The following PVT1 variants were observed in gnomAD, a reference collection of about 807,000 sequenced individuals.
PVT1 encodes Pvt1 oncogene.
intron 4 of PVT1, among the ~76,000 whole-genome samples, chr8:128,041,550 AATGT>A (rs56176357): frequency 0.6 from 86,480 of 144,186 alleles, 25,660 homozygotes; most frequent in East Asian, 0.8. Flanking sequence ...GTGCTTGGTG[AATGT>A]ATGTGTGTAT....
At chr8:128,006,833 G>A (rs7014473) in intron 4 of PVT1, among the ~76,000 whole-genome samples, 98,348 of 152,044 alleles carry the variant, frequency 0.65, 32,200 homozygotes, top group African/African-American at 0.73. Flanking sequence ...ATTTTACATT[G>A]GGATGCCCTT....
At chr8:127,877,060 T>A (rs73357010) in intron 2 of PVT1, among the ~76,000 whole-genome samples, 1,734 of 152,202 alleles carry the variant, frequency 0.011, 38 homozygotes, top group African/African-American at 0.039. Flanking sequence ...TATGGAGCTG[T>A]GGGATGTGGG....
intron 3 of PVT1, among the ~76,000 whole-genome samples, chr8:127,903,087 C>T (rs1382162260): frequency 6.6e-6 from 1 of 152,166 alleles, no homozygotes; most frequent in Non-Finnish European, 1.5e-5. Context: ...TACACAGGCC[C>T]ACCAACATCT....
At chr8:127,876,028 A>AC (rs779276752) in intron 2 of PVT1, among the ~76,000 whole-genome samples, 3 of 151,508 alleles carry the variant, frequency 2.0e-5, no homozygotes, top group African/African-American at 2.4e-5. Flanking sequence ...GGCACCCTCC[A>AC]CCCCCCCTCA....
chr8:128,009,447 A>C (rs2130032896), intron 4 of PVT1: 1 of 152,376 alleles, frequency 6.6e-6, no homozygotes, highest in South Asian at 2.1e-4. Context: ...GTTAAATTGC[A>C]CCCAAAGGGG....
At chr8:128,042,796 C>G (rs56040136) in intron 4 of PVT1, among the ~76,000 whole-genome samples, 1 of 143,106 alleles carries the variant, frequency 7.0e-6, no homozygotes, top group African/African-American at 2.7e-5. Flanking sequence ...AGAGATCTTG[C>G]TCTGTCACCC....
intron 2 of PVT1, among the ~76,000 whole-genome samples, chr8:127,844,044 G>A (rs1399874676): frequency 1.3e-5 from 2 of 151,370 alleles, no homozygotes; most frequent in African/African-American, 2.4e-5. Context: ...GTGCAGTGGC[G>A]CAATCTCGGC....
chr8:127,829,229 A>G (rs1025256258), intron 2 of PVT1, among the ~76,000 whole-genome samples: 5 of 152,186 alleles, frequency 3.3e-5, no homozygotes, highest in African/African-American at 1.2e-4. Flanking sequence ...GTGAGCCAAG[A>G]TCACGCCATT....
chr8:127,879,715 C>G (rs114548098), intron 2 of PVT1, among the ~76,000 whole-genome samples: 1,536 of 152,298 alleles, frequency 0.01, 30 homozygotes, highest in African/African-American at 0.035. Context: ...TTGGAGATTA[C>G]AGGAACACAA....
intron 3 of PVT1, among the ~76,000 whole-genome samples, chr8:127,959,594 A>G (rs1816614412): frequency 6.6e-6 from 1 of 151,368 alleles, no homozygotes; most frequent in Admixed American, 6.6e-5. Context: ...AGGAAAAAAA[A>G]AAAAAAAAAA....
chr8:128,024,370 G>C (rs1234031454), intron 4 of PVT1, among the ~76,000 whole-genome samples: 3 of 152,106 alleles, frequency 2.0e-5, no homozygotes, highest in African/African-American at 7.2e-5. Context: ...CAGCATTTCG[G>C]GGAGCAATTT....
intron 2 of PVT1, among the ~76,000 whole-genome samples, chr8:127,860,961 C>T (rs983270109): frequency 1.3e-5 from 2 of 152,040 alleles, no homozygotes; most frequent in East Asian, 1.9e-4. Context: ...ATGGTAGAGG[C>T]GTGAACTTGG....
intron 2 of PVT1, chr8:127,803,273 C>A (rs1454009370): frequency 6.6e-6 from 1 of 151,886 alleles, no homozygotes; most frequent in African/African-American, 2.4e-5. Flanking sequence ...GGACTACAGG[C>A]ACCCGCCCAC....
intron 4 of PVT1, among the ~76,000 whole-genome samples, chr8:127,991,474 G>A (rs1349546006): frequency 6.6e-6 from 1 of 152,110 alleles, no homozygotes; most frequent in East Asian, 1.9e-4. Flanking sequence ...GGCAGGCTTA[G>A]GGAGCAGGAG....
At chr8:128,041,685 TTG>T (rs551409810) in intron 4 of PVT1, among the ~76,000 whole-genome samples, 1 of 151,382 alleles carries the variant, frequency 6.6e-6, no homozygotes, top group Admixed American at 6.6e-5. Context: ...TCGTGTGTGT[TTG>T]TGTGTGTGTT....
intron 4 of PVT1, chr8:127,996,578 T>G (rs1479518885): frequency 6.6e-6 from 1 of 152,060 alleles, no homozygotes; most frequent in Non-Finnish European, 1.5e-5. Context: ...GCACCCTGGC[T>G]TCAAGCTCAC....
intron 4 of PVT1, among the ~76,000 whole-genome samples, chr8:128,065,584 G>A (rs1813898855): frequency 6.6e-6 from 1 of 152,184 alleles, no homozygotes; most frequent in Non-Finnish European, 1.5e-5. Flanking sequence ...AACCCTGAGG[G>A]TAAGGGAGAA....
chr8:127,907,746 C>A (rs938130317), intron 3 of PVT1, among the ~76,000 whole-genome samples: 1 of 152,132 alleles, frequency 6.6e-6, no homozygotes, highest in African/African-American at 2.4e-5. Context: ...AAATCCTCAC[C>A]GTTTCAGACC....
intron 4 of PVT1, among the ~76,000 whole-genome samples, chr8:128,050,838 A>G (rs1216847731): frequency 2.0e-5 from 3 of 152,216 alleles, no homozygotes; most frequent in African/African-American, 7.2e-5. Flanking sequence ...TGATTATTCA[A>G]ACTCCACCTG....
Sources: allele counts gnomAD v4.1 joint callset (sites outside exome capture counted in the v4.1 genomes callset), GRCh38; gene constraint gnomAD v4.1.1; transcripts MANE v1.5; gene names NCBI Gene and HGNC (gene_info 2026-07-23, HGNC 2026-07-21).